Variants in LSAMP observed in about 807,000 individuals in gnomAD.
LSAMP encodes limbic system associated membrane protein.
A neutral mutation model predicts 38.6 loss-of-function variants in LSAMP; 7 were observed. The observed-to-expected ratio is 0.18, with a 90% confidence interval of 0.10 to 0.34. The LOEUF is 0.34. Among genes scored for constraint, LSAMP ranks in the 10% least tolerant of loss-of-function variants. LSAMP has a pLI of 1.00. For missense variants in LSAMP, 313 were observed against 420.0 expected (o/e 0.75, Z 2.23); for synonymous variants, 154 against 166.8 (o/e 0.92, Z 0.59).
chr3:115,975,278 C>T (rs890569558), intron 3 of LSAMP, among the ~76,000 whole-genome samples: 1 of 151,978 alleles, frequency 6.6e-6, no homozygotes, highest in Non-Finnish European at 1.5e-5. Context: ...ATTAAAAGAA[C>T]CTGACAAACA....
chr3:116,367,149 A>G (rs114540194), intron 1 of LSAMP, among the ~76,000 whole-genome samples: 3,955 of 152,316 alleles, frequency 0.026, 62 homozygotes, highest in South Asian at 0.051. Flanking sequence ...GAAGGGTCAT[A>G]GGAATAGAGA....
intron 1 of LSAMP, among the ~76,000 whole-genome samples, chr3:116,414,137 C>A (rs1240273392): frequency 3.3e-5 from 5 of 152,128 alleles, no homozygotes; most frequent in African/African-American, 9.6e-5. Context: ...ATCATTACAC[C>A]AACTTTCATT....
intron 1 of LSAMP, among the ~76,000 whole-genome samples, chr3:116,369,159 C>T (rs2048396759): frequency 6.6e-6 from 1 of 151,952 alleles, no homozygotes; most frequent in Admixed American, 6.6e-5. Context: ...AAGATTGATC[C>T]TGTGATATGA....
At chr3:115,945,995 TC>T (rs1938085710) in intron 3 of LSAMP, among the ~76,000 whole-genome samples, 1 of 152,120 alleles carries the variant, frequency 6.6e-6, no homozygotes, top group Non-Finnish European at 1.5e-5. Context: ...AAATAGAGCA[TC>T]CCTTGAAAAC....
At chr3:116,373,112 G>C (rs2048451425) in intron 1 of LSAMP, among the ~76,000 whole-genome samples, 1 of 151,414 alleles carries the variant, frequency 6.6e-6, no homozygotes, top group Admixed American at 6.6e-5. Context: ...AAATATATTT[G>C]TATACCCACG....
chr3:116,262,686 A>G (rs2046839294), intron 1 of LSAMP, among the ~76,000 whole-genome samples: 1 of 152,244 alleles, frequency 6.6e-6, no homozygotes, highest in Non-Finnish European at 1.5e-5. Flanking sequence ...ACAGAAAAGA[A>G]TGCAATAAAT....
chr3:115,940,086 G>T (rs544813682), intron 3 of LSAMP, among the ~76,000 whole-genome samples: 1 of 152,194 alleles, frequency 6.6e-6, no homozygotes, highest in Non-Finnish European at 1.5e-5. Flanking sequence ...ATCTGGAGTT[G>T]TTTGTTCCTC....
intron 1 of LSAMP, among the ~76,000 whole-genome samples, chr3:116,100,774 G>A (rs1708328678): frequency 6.6e-6 from 1 of 152,072 alleles, no homozygotes; most frequent in Non-Finnish European, 1.5e-5. Context: ...ACTTAACCTA[G>A]CTTTCCAACC....
At chr3:116,047,438 T>C (rs17630430) in intron 2 of LSAMP, among the ~76,000 whole-genome samples, 19,034 of 150,988 alleles carry the variant, frequency 0.13, 1,336 homozygotes, top group Non-Finnish European at 0.16. Context: ...TATTTTAAGG[T>C]GTTTAAAGCC....
intron 3 of LSAMP, among the ~76,000 whole-genome samples, chr3:115,871,284 T>C (rs535682906): frequency 2.6e-5 from 4 of 152,018 alleles, no homozygotes; most frequent in Non-Finnish European, 5.9e-5. Context: ...TTCTCCCTTC[T>C]TTTAAACTGT....
At chr3:115,976,469 G>A (rs560459127) in intron 3 of LSAMP, among the ~76,000 whole-genome samples, 2 of 152,240 alleles carry the variant, frequency 1.3e-5, no homozygotes, top group Non-Finnish European at 2.9e-5. Context: ...AACAAGAGAG[G>A]TCATCATCAC....
intron 3 of LSAMP, among the ~76,000 whole-genome samples, chr3:115,903,245 C>T (rs1209284527): frequency 6.6e-6 from 1 of 152,090 alleles, no homozygotes; most frequent in Non-Finnish European, 1.5e-5. Context: ...AAACATAAAA[C>T]CAAATACTGC....
At chr3:116,084,684 C>T (rs1707948910) in intron 2 of LSAMP, among the ~76,000 whole-genome samples, 1 of 151,802 alleles carries the variant, frequency 6.6e-6, no homozygotes, top group Non-Finnish European at 1.5e-5. Context: ...TAGTTACGGT[C>T]TCTAGTGGCT....
intron 2 of LSAMP, among the ~76,000 whole-genome samples, chr3:116,067,490 A>G (rs1346484814): frequency 2.6e-5 from 4 of 152,222 alleles, no homozygotes; most frequent in Non-Finnish European, 5.9e-5. Context: ...TGCAAATCAT[A>G]GATGTATACA....
At chr3:116,290,774 A>AATT (rs2047256832) in intron 1 of LSAMP, among the ~76,000 whole-genome samples, 1 of 143,742 alleles carries the variant, frequency 7.0e-6, no homozygotes, top group Non-Finnish European at 1.5e-5. Context: ...TAATAATAAT[A>AATT]AAATAAACTT....
Position 115,943,720 on chromosome 3 carries a change from C to T in LSAMP, c.514+75795G>A, listed in dbSNP as rs549214163. Among the ~76,000 whole-genome samples, 41 of 152,312 alleles carry T rather than the reference C, an allele frequency of 2.7e-4. 1 individual carries two copies. Among genetic ancestry groups the T allele is most frequent in the African/African-American group, 9.1e-4 (38 of 41,582 alleles). On this transcript the variant is annotated intron_variant, in intron 3 of 6. Coordinates refer to ENST00000490035, the MANE Select transcript of LSAMP (RefSeq NM_002338.5). ...TCCGAAACAGGAACTAAACTGTACA[C>T]GTGGAGATTTAGAACTTCCTGCTCT...
At chr3:115,823,650 A>AT (rs902800216) in intron 6 of LSAMP, among the ~76,000 whole-genome samples, 3 of 152,152 alleles carry the variant, frequency 2.0e-5, no homozygotes, top group African/African-American at 7.2e-5. Context: ...TTTAAAAAAA[A>AT]CCTTTAAATG....
Position 115,995,792 on chromosome 3 carries a change from T to C in LSAMP, c.514+23723A>G, listed in dbSNP as rs1158085493. ...GATCCCCAATGACTTATCCCCATGA[T>C]CAAATTTTCTTGGAAAATTAATGGA... On this transcript the variant is annotated intron_variant, in intron 3 of 6. Transcript: ENST00000490035. Among the ~76,000 whole-genome samples, 5 of 152,206 alleles carry C rather than the reference T, an allele frequency of 3.3e-5. No homozygotes were observed. In the East Asian group the frequency reaches 9.7e-4, roughly 29 times the overall value.
chr3:115,814,727 A>G (rs1429778774), intron 6 of LSAMP, among the ~76,000 whole-genome samples: 2 of 152,206 alleles, frequency 1.3e-5, no homozygotes, highest in African/African-American at 2.4e-5. Flanking sequence ...GCCATACGAG[A>G]AAAAAAGCCA....
Sources: allele counts gnomAD v4.1 joint callset (sites outside exome capture counted in the v4.1 genomes callset), GRCh38; gene constraint gnomAD v4.1.1; transcripts MANE v1.5; gene names NCBI Gene and HGNC (gene_info 2026-07-23, HGNC 2026-07-21).